Variants in LRP1B observed in about 807,000 individuals in gnomAD.
LRP1B encodes the protein low-density lipoprotein receptor-related protein 1B.
LRP1B carries 217 observed loss-of-function variants against 556.6 expected under a neutral mutation model. The ratio of observed to expected loss-of-function variants is 0.39; its 90% CI spans 0.35 to 0.44. The LOEUF (loss-of-function observed/expected upper bound fraction) is 0.44. Ranked by LOEUF, LRP1B falls within the 20% of genes least tolerant of loss-of-function variation. The pLI, the probability that LRP1B is intolerant of heterozygous loss-of-function variation, is 1.00. For synonymous variants in LRP1B, 2,047 were observed against 1,865.8 expected (o/e 1.10, Z -2.50); for missense variants, 5,053 against 5,620.8 (o/e 0.90, Z 3.23).
chr2:141,069,531 T>A (rs2105480124), intron 7 of LRP1B, among the ~76,000 whole-genome samples: 1 of 152,182 alleles, frequency 6.6e-6, no homozygotes, highest in South Asian at 2.1e-4. Flanking sequence ...TACAACTTGA[T>A]TTGTTTATGA....
chr2:140,988,402 C>T (rs1475246266), intron 17 of LRP1B, among the ~76,000 whole-genome samples: 2 of 152,066 alleles, frequency 1.3e-5, no homozygotes, highest in African/African-American at 4.8e-5. Context: ...GAATAACTGG[C>T]CCATGGATCC....
chr2:140,400,434 T>C (rs1005503650), intron 66 of LRP1B, among the ~76,000 whole-genome samples: 1 of 152,168 alleles, frequency 6.6e-6, no homozygotes, highest in African/African-American at 2.4e-5. Context: ...CTCTATTGGG[T>C]TTCTTCCTTT....
At chr2:142,060,222 C>T (rs1704853590) in intron 1 of LRP1B, among the ~76,000 whole-genome samples, 1 of 152,048 alleles carries the variant, frequency 6.6e-6, no homozygotes, top group Admixed American at 6.6e-5. Context: ...GTTTCTTCCT[C>T]TTTGTGATAG....
In LRP1B at chr2:141,997,592, C is replaced by T. The variant is rs185377812; in HGVS notation, c.82+133056G>A. ...CGAACTCCTGGGCTCAAGCAATTCT[C>T]CCATCTCAACCTCCCAAAGTGCTGG... On this transcript the variant is annotated intron_variant, in intron 1 of 90. Coordinates refer to ENST00000389484, the MANE Select transcript of LRP1B (RefSeq NM_018557.3). 7.5e-3 allele frequency among the ~76,000 whole-genome samples: 1,132 copies of T among 150,296 alleles called. 10 individuals carry two copies. Among genetic ancestry groups the T allele is most frequent in the Middle Eastern group, 0.014 (4 of 286 alleles).
intron 41 of LRP1B, among the ~76,000 whole-genome samples, chr2:140,694,886 AT>A (rs1201156005): frequency 6.6e-6 from 1 of 151,826 alleles, no homozygotes; most frequent in Admixed American, 6.6e-5. Context: ...TAGTGATCAT[AT>A]TTTTTTATTT....
At position 142,097,850 on chromosome 2, in the gene LRP1B, T is replaced by C. The variant is rs115569356; in HGVS notation, c.82+32798A>G. 6.0e-3 allele frequency among the ~76,000 whole-genome samples: 914 copies of C among 151,820 alleles called. 7 individuals are homozygous for C. The highest frequency in any genetic ancestry group is 0.021 in the African/African-American group (866 of 41,512). On this transcript the variant is annotated intron_variant, in intron 1 of 90. Coordinates refer to ENST00000389484, the MANE Select transcript of LRP1B (RefSeq NM_018557.3). ...CATTCAGAATAAGTAAGACATGGTG[T>C]ACACATGTAAATAATGTATCGACAA...
At chr2:142,120,292 T>C (rs1574708213) in intron 1 of LRP1B, among the ~76,000 whole-genome samples, 1 of 152,136 alleles carries the variant, frequency 6.6e-6, no homozygotes, top group South Asian at 2.1e-4. Context: ...TTGTATTTTT[T>C]GTAGAGACAG....
intron 15 of LRP1B, among the ~76,000 whole-genome samples, chr2:140,994,803 T>C (rs1219650357): frequency 1.3e-5 from 2 of 152,074 alleles, no homozygotes; most frequent in East Asian, 3.9e-4. Flanking sequence ...AAGTTTACTA[T>C]AATCAAACAT....
intron 86 of LRP1B, among the ~76,000 whole-genome samples, chr2:140,267,118 T>A (rs531756908): frequency 2.0e-5 from 3 of 152,056 alleles, no homozygotes; most frequent in Non-Finnish European, 4.4e-5. Context: ...ACTTCACACA[T>A]AAAATATGTG....
intron 3 of LRP1B, among the ~76,000 whole-genome samples, chr2:141,262,987 G>A (rs1239231203): frequency 1.3e-5 from 2 of 151,836 alleles, no homozygotes; most frequent in Non-Finnish European, 2.9e-5. Flanking sequence ...GGGGGATATT[G>A]ACATCTTAAC....
At position 142,011,225 on chromosome 2, in the gene LRP1B, T is replaced by A. The variant is rs535133034; in HGVS notation, c.82+119423A>T. On this transcript the variant is annotated intron_variant, in intron 1 of 90. Coordinates refer to ENST00000389484, the MANE Select transcript of LRP1B (RefSeq NM_018557.3). ...TCAATTTTATATCTCTGATATATGC[T>A]TAAAATCGTATTCTGTGCACATAAG... Among the ~76,000 whole-genome samples, 21 of 152,358 alleles carry A rather than the reference T, an allele frequency of 1.4e-4. 1 individual carries two copies. In the South Asian group the frequency reaches 4.3e-3, roughly 32 times the overall value.
At position 141,770,574 on chromosome 2, in the gene LRP1B, G is replaced by A. The variant is rs931976051; in HGVS notation, c.205+39705C>T. ...AGAAGCGTTCTCTTTTTTATTGCCA[G>A]AAATGCATTTTGTCTTTCTCTGAAC... On this transcript the variant is annotated intron_variant, in intron 2 of 90. Coordinates refer to ENST00000389484, the MANE Select transcript of LRP1B (RefSeq NM_018557.3). Among the ~76,000 whole-genome samples the A allele has an allele frequency of 1.4e-4, 22 of 152,180 alleles. 1 individual carries two copies. The highest frequency in any genetic ancestry group is 1.3e-3 in the Admixed American group (20 of 15,270).
intron 2 of LRP1B, among the ~76,000 whole-genome samples, chr2:141,625,632 A>G (rs1386345212): frequency 6.6e-6 from 1 of 152,170 alleles, no homozygotes; most frequent in East Asian, 1.9e-4. Context: ...CAGTGCATAT[A>G]TGCTACATAA....
At chr2:141,070,829 CCAATAA>C (rs1699618416) in intron 7 of LRP1B, among the ~76,000 whole-genome samples, 1 of 152,038 alleles carries the variant, frequency 6.6e-6, no homozygotes, top group South Asian at 2.1e-4. Context: ...TCTGAATAGA[CCAATAA>C]CAGGCTCTGA....
At chr2:141,734,236 A>G (rs1472815043) in intron 2 of LRP1B, among the ~76,000 whole-genome samples, 2 of 152,148 alleles carry the variant, frequency 1.3e-5, no homozygotes, top group Non-Finnish European at 1.5e-5. Context: ...GTGAATAAAA[A>G]TTCTAATAAT....
At chr2:140,684,713 C>G (rs1303724603) in intron 41 of LRP1B, among the ~76,000 whole-genome samples, 1 of 152,134 alleles carries the variant, frequency 6.6e-6, no homozygotes, top group African/African-American at 2.4e-5. Context: ...TATAGACATT[C>G]TTGTATTTCT....
chr2:141,292,362 C>A (rs1016124473), intron 3 of LRP1B, among the ~76,000 whole-genome samples: 2 of 152,040 alleles, frequency 1.3e-5, no homozygotes, highest in Non-Finnish European at 2.9e-5. Context: ...AACCAGAATG[C>A]TCCCTCTATC....
chr2:141,481,574 C>G (rs570569375), intron 2 of LRP1B, among the ~76,000 whole-genome samples: 11 of 152,118 alleles, frequency 7.2e-5, no homozygotes, highest in Non-Finnish European at 1.2e-4. Context: ...TAAAATGAAA[C>G]TATCAAATAA....
chr2:141,051,084 C>T (rs1235216652), intron 10 of LRP1B, among the ~76,000 whole-genome samples: 1 of 152,072 alleles, frequency 6.6e-6, no homozygotes, highest in African/African-American at 2.4e-5. Context: ...GAGATACTAT[C>T]TCGCACCAGT....
Sources: gnomAD v4.1 joint callset for allele counts (sites outside exome capture counted in the v4.1 genomes callset) on GRCh38, gnomAD v4.1.1 for gene constraint, MANE v1.5 for transcripts, NCBI Gene and HGNC (gene_info 2026-07-23, HGNC 2026-07-21) for gene names.